Variants in DLC1 observed in about 807,000 individuals in gnomAD.
The protein encoded by DLC1 is DLC1 Rho GTPase activating protein, also known as rho GTPase-activating protein 7.
In DLC1, 54 loss-of-function variants were observed where a neutral mutation model predicts 140.3. The observed-to-expected ratio is 0.38, with a 90% confidence interval of 0.31 to 0.48. The LOEUF is 0.48. Among genes scored for constraint, DLC1 ranks in the 20% least tolerant of loss-of-function variants. The pLI is 0.96. For synonymous variants in DLC1, 986 were observed against 728.1 expected (o/e 1.35, Z -5.70); for missense variants, 2,536 against 1,907.0 (o/e 1.33, Z -6.14).
At chr8:13,388,894 T>C (rs887035876) in intron 4 of DLC1, among the ~76,000 whole-genome samples, 25 of 152,074 alleles carry the variant, frequency 1.6e-4, no homozygotes, top group Non-Finnish European at 3.4e-4. Flanking sequence ...GTAAAACTCT[T>C]CTTGTGCATT....
chr8:13,210,679 G>C (rs747217656), intron 5 of DLC1, among the ~76,000 whole-genome samples: 8 of 152,098 alleles, frequency 5.3e-5, no homozygotes, highest in Admixed American at 5.2e-4. Flanking sequence ...GGTCCTCATC[G>C]GTTATTTGGT....
At chr8:13,491,587 A>T (rs1801246015) in intron 2 of DLC1, among the ~76,000 whole-genome samples, 1 of 152,182 alleles carries the variant, frequency 6.6e-6, no homozygotes, top group Non-Finnish European at 1.5e-5. Flanking sequence ...TATCTTCGGG[A>T]TAACATTTAC....
chr8:13,531,840 A>G (rs1448974731), intron 1 of DLC1, among the ~76,000 whole-genome samples: 1 of 152,086 alleles, frequency 6.6e-6, no homozygotes, highest in African/African-American at 2.4e-5. Context: ...TTGCATACTT[A>G]TTTTTGGAAA....
rs181376686 is a variant in DLC1 at position 13,163,429 on chromosome 8, G to C, written c.1349-47772C>G. On this transcript the variant is annotated intron_variant, in intron 5 of 17. Coordinates refer to ENST00000276297, the MANE Select transcript of DLC1 (RefSeq NM_182643.3). ...ATGGTTGGGAGGCTCCTGTTCTAGG[G>C]TTCCCAGGCATTAAGGTGGAGAATA... 7.8e-4 allele frequency among the ~76,000 whole-genome samples: 119 copies of C among 152,216 alleles called. 2 individuals carry two copies. In the East Asian group the frequency reaches 0.021, roughly 26 times the overall value.
chr8:13,552,111 G>GTATATATATATATATATATATATATA (rs3066465), intron 1 of DLC1, among the ~76,000 whole-genome samples: 1 of 54,530 alleles, frequency 1.8e-5, no homozygotes, highest in Non-Finnish European at 3.3e-5. Context: ...GTCTAGAGGT[G>GTATATATATATATATATATATATATA]TATATATATA....
At chr8:13,180,881 A>G (rs903024063) in intron 5 of DLC1, among the ~76,000 whole-genome samples, 2 of 152,220 alleles carry the variant, frequency 1.3e-5, no homozygotes. Flanking sequence ...GACATAAAGT[A>G]TATATGAGAA....
At chr8:13,572,556 C>G (rs1804700415) in intron 1 of DLC1, among the ~76,000 whole-genome samples, 1 of 152,116 alleles carries the variant, frequency 6.6e-6, no homozygotes, top group Non-Finnish European at 1.5e-5. Flanking sequence ...GAAATCATCA[C>G]CAAATCTAAG....
chr8:13,134,519 A>T (rs2128966059), intron 5 of DLC1, among the ~76,000 whole-genome samples: 1 of 152,324 alleles, frequency 6.6e-6, no homozygotes, highest in Admixed American at 6.5e-5. Context: ...GGAGCTGGGG[A>T]AGGGCACAAT....
intron 5 of DLC1, among the ~76,000 whole-genome samples, chr8:13,164,829 G>C (rs979030489): frequency 6.6e-6 from 1 of 152,164 alleles, no homozygotes; most frequent in Non-Finnish European, 1.5e-5. Flanking sequence ...CAATTCAGTG[G>C]AATTGCCTTA....
intron 6 of DLC1, among the ~76,000 whole-genome samples, chr8:13,112,277 G>A (rs1285512574): frequency 6.6e-6 from 1 of 152,196 alleles, no homozygotes; most frequent in Non-Finnish European, 1.5e-5. Context: ...AGCTCCTGCG[G>A]GTGCACAACT....
rs368769968 is a variant in DLC1, at chr8:13,305,299, T to A, written c.1318A>T (p.Ile440Phe). 1 of 1,599,630 alleles carries A rather than the reference T, an allele frequency of 6.3e-7. No homozygotes were observed. The highest frequency in any genetic ancestry group is 8.5e-7 in the Non-Finnish European group (1 of 1,174,788). ...NSGTKPKTTA[I>F]QGISEKEKAE... ...TTTTCCTTCTCTGAAATACCTTGAATAGCCTGAAAAAAAAGACACAAAAAT... is the reference window on the plus strand; with the variant it reads ...TTTTCCTTCTCTGAAATACCTTGAAAAGCCTGAAAAAAAAGACACAAAAAT... Residue 440 changes from isoleucine to phenylalanine, a missense_variant, in exon 5 of 18, where the codon ATT becomes TTT. Coordinates refer to ENST00000276297, the MANE Select transcript of DLC1 (RefSeq NM_182643.3).
At chr8:13,275,084 C>G (rs1469541031) in intron 5 of DLC1, among the ~76,000 whole-genome samples, 2 of 152,228 alleles carry the variant, frequency 1.3e-5, no homozygotes, top group East Asian at 1.9e-4. Context: ...GCTCCCTTCC[C>G]TACCTAATGG....
chr8:13,328,897 C>T (rs1671380), intron 4 of DLC1, among the ~76,000 whole-genome samples: 128,337 of 151,782 alleles, frequency 0.85, 54,839 homozygotes, highest in East Asian at 0.95. Context: ...GATGAGAATG[C>T]AAATGTGATC....
intron 9 of DLC1, 85 bp downstream of exon 9, chr8:13,099,262 C>G: frequency 6.6e-7 from 1 of 1,517,962 alleles, no homozygotes; most frequent in African/African-American, 1.4e-5. Context: ...CAGACTTAAT[C>G]CCATTTCTTC....
chr8:13,537,692 C>T (rs1803333058), intron 1 of DLC1, among the ~76,000 whole-genome samples: 3 of 129,428 alleles, frequency 2.3e-5, no homozygotes, highest in Non-Finnish European at 4.7e-5. Flanking sequence ...CTCTCTCTGT[C>T]ACCCAGGCTA....
intron 5 of DLC1, chr8:13,132,882 C>G: frequency 6.5e-7 from 1 of 1,541,824 alleles, no homozygotes; most frequent in East Asian, 2.4e-5. Flanking sequence ...TTTCTCGCGG[C>G]GGGTCCCCTC....
intron 5 of DLC1, among the ~76,000 whole-genome samples, chr8:13,132,361 G>C (rs1822176717): frequency 6.6e-6 from 1 of 151,734 alleles, no homozygotes; most frequent in Non-Finnish European, 1.5e-5. Context: ...AATTCCCAGC[G>C]CTTAAAGTAT....
chr8:13,330,260 A>G (rs1002742895), intron 4 of DLC1, among the ~76,000 whole-genome samples: 1 of 152,208 alleles, frequency 6.6e-6, no homozygotes, highest in African/African-American at 2.4e-5. Flanking sequence ...CCTATTATCC[A>G]GTGTTTAAAA....
intron 8 of DLC1, 189 bp from the exon 9 acceptor site, chr8:13,100,959 T>G: frequency 1.7e-6 from 1 of 583,642 alleles, no homozygotes. Context: ...CAGGCTGTAT[T>G]GCCCAGGCTG....
Sources: allele counts gnomAD v4.1 joint callset (sites outside exome capture counted in the v4.1 genomes callset), GRCh38; gene constraint gnomAD v4.1.1; transcripts MANE v1.5; gene names NCBI Gene and HGNC (gene_info 2026-07-23, HGNC 2026-07-21).